TTN: variants seen among roughly 807,000 people sequenced by gnomAD.
The protein encoded by TTN is titin, also known as connectin.
TTN carries 1,525 observed loss-of-function variants against 3,223.0 expected under a neutral mutation model. That is an observed-to-expected ratio of 0.47 (90% CI 0.45 to 0.49). The LOEUF (loss-of-function observed/expected upper bound fraction) is 0.49. Ranked by LOEUF, TTN falls within the 20% of genes least tolerant of loss-of-function variation. The pLI is 0.00. For synonymous variants in TTN, 14,094 were observed against 15,161.0 expected (o/e 0.93, Z 5.17); for missense variants, 40,786 against 43,424.0 (o/e 0.94, Z 5.40).
chr2:178,582,084 C>T lies in TTN; in HGVS notation c.66285G>A (p.Arg22095=). 6.2e-7 allele frequency: 1 copy of T among 1,613,058 alleles called. No individual in the cohort carries two copies. The highest frequency in any genetic ancestry group is 1.1e-5 in the South Asian group (1 of 91,040). ...TAGTCCAGTTAACAGCCTGGGTTTC[C>T]CGCTTTTCAAGCAAATAGCCAGTGA... is the stretch of plus-strand genomic sequence containing the variant. The part of the protein sequence containing the change: ...SPITGYLLEK[R]ETQAVNWTKV... Residue 22095 remains arginine, a synonymous_variant, in exon 315 of 363, where the codon CGG becomes CGA. Transcript: ENST00000589042.
chr2:178,542,478 C>T lies in TTN; in HGVS notation c.97278G>A (p.Leu32426=). ...SITISWEPPE[L]DGGAPLSGYV... Reference sequence around the variant, plus strand: ...AACCACTCAGTGGAGCACCACCGTCCAATTCAGGTGGTTCCCAGGAAATGG... The same window carrying T: ...AACCACTCAGTGGAGCACCACCGTCTAATTCAGGTGGTTCCCAGGAAATGG... Residue 32426 remains leucine (L), a synonymous_variant, in exon 349 of 363, where the codon TTG becomes TTA. Coordinates refer to ENST00000589042, the MANE Select transcript of TTN (RefSeq NM_001267550.2). 1.2e-6 allele frequency: 2 copies of T among 1,613,446 alleles called. No homozygotes were observed. Among genetic ancestry groups the T allele is most frequent in the South Asian group, 1.1e-5 (1 of 91,058 alleles).
intron 330 of TTN, chr2:178,555,443 A>T: frequency 3.2e-6 from 1 of 309,772 alleles, no homozygotes; most frequent in Non-Finnish European, 5.8e-6. Flanking sequence ...TAGTGAGAAC[A>T]TCATGGAAGA....
intron 319 of TTN, 47 bp from the exon 320 acceptor site, chr2:178,579,440 A>G (rs780400473): frequency 8.0e-5 from 125 of 1,560,134 alleles, no homozygotes; most frequent in Non-Finnish European, 1.1e-4. Context: ...AGGCCAGGCG[A>G]TTAACTTTTT....
In TTN at chr2:178,582,242, G is replaced by A. The variant is rs1483814882; in HGVS notation, c.66161-34C>T. 2.5e-6 allele frequency: 4 copies of A among 1,578,980 alleles called. No homozygotes were observed. In the East Asian group the frequency reaches 6.8e-5, roughly 27 times the overall value. On this transcript the variant is annotated intron_variant, in intron 314 of 362. Transcript: ENST00000589042. ...ATTGATTGAAAAGTTAATTTCCCAG[G>A]CTAAAAGATAATTTTAAAAAATAAA...
In TTN at chr2:178,785,851, T is replaced by C; in HGVS notation, c.2367A>G (p.Ser789=). 1 of 1,614,122 alleles carries C rather than the reference T, an allele frequency of 6.2e-7. No individual in the cohort carries two copies. Among genetic ancestry groups the C allele is most frequent in the Non-Finnish European group, 8.5e-7 (1 of 1,180,010 alleles). The part of the protein sequence containing the change: ...TTDQKGMHIS[S]QIKKTTDLTT... Reference sequence around the variant, plus strand: ...AAATCAGCAGGTATAGACTCACCTGTGATGATATGTGCATTCCCTTTTGAT... The same window carrying C: ...AAATCAGCAGGTATAGACTCACCTGCGATGATATGTGCATTCCCTTTTGAT... The change falls in exon 14 of 363, where the codon TCA becomes TCG. Residue 789 remains serine (S), a synonymous_variant. Transcript: ENST00000589042.
chr2:178,649,712 A>T lies in TTN; in HGVS notation c.39896-81T>A, dbSNP rs958265326. The T allele has an allele frequency of 1.2e-5, 19 of 1,538,776 alleles. No individual in the cohort carries two copies. In the African/African-American group the frequency reaches 2.6e-4, roughly 21 times the overall value. The stretch of plus-strand genomic sequence containing the variant: ...ATACAAGTTTATTCAACACTGTAAC[A>T]TATAGGTAAGAGTTAACAAACATAT... On this transcript the variant is annotated intron_variant, in intron 211 of 362. Coordinates refer to ENST00000589042, the MANE Select transcript of TTN (RefSeq NM_001267550.2).
rs530484268 is a variant in TTN, at chr2:178,618,870, CAT to C, written c.46697-19_46697-18del. 4.8e-5 allele frequency: 77 copies of C among 1,603,676 alleles called. 1 individual carries two copies. Among genetic ancestry groups the C allele is most frequent in the Non-Finnish European group, 5.7e-5 (67 of 1,177,204 alleles). On this transcript the variant is annotated intron_variant, in intron 250 of 362. Coordinates refer to ENST00000589042, the MANE Select transcript of TTN (RefSeq NM_001267550.2). ...TTGGTGCAGCTAGTGAGAAAGATAA[CAT>C]GTGAACGCTTTCGACTATTAAACGT...
Position 178,674,399 on chromosome 2 carries a change from C to A in TTN, c.34623G>T (p.Glu11541Asp). 1 of 1,562,218 alleles carries A rather than the reference C, an allele frequency of 6.4e-7. No homozygotes were observed. The highest frequency in any genetic ancestry group is 1.2e-5 in the South Asian group (1 of 83,828). ...EEVLPVEVTE[E>D]PEEEPISEEE... ...CTTCTGAAATAGGCTCTTCTTCAGG[C>A]TCCTCAGTCACTTTAAAAAGATTAT... is the stretch of plus-strand genomic sequence containing the variant. Residue 11541 changes from glutamate to aspartate, a missense_variant, in exon 151 of 363, where the codon GAG becomes GAT. By Grantham distance (45) the Glu-to-Asp change is conservative. Transcript: ENST00000589042.
chr2:178,688,227 T>A lies in TTN; in HGVS notation c.32198-3A>T. The stretch of plus-strand genomic sequence containing the variant: ...ACTCCATTCCTCCTCTGCAGATACT[T>A]TAAAAGATAAGGTTTCATTTAAATT... On this transcript the variant is annotated splice_polypyrimidine_tract_variant and splice_region_variant and intron_variant, in intron 126 of 362. Coordinates refer to ENST00000589042, the MANE Select transcript of TTN (RefSeq NM_001267550.2). The A allele has an allele frequency of 6.2e-7, 1 of 1,611,076 alleles. No homozygotes were observed. Among genetic ancestry groups the A allele is most frequent in the Non-Finnish European group, 8.5e-7 (1 of 1,178,720 alleles).
At position 178,559,346 on chromosome 2, in the gene TTN, A is replaced by T. The variant is rs778373815; in HGVS notation, c.86786T>A (p.Ile28929Lys). The T allele has an allele frequency of 6.2e-7, 1 of 1,610,640 alleles. No individual in the cohort carries two copies. Among genetic ancestry groups the T allele is most frequent in the Non-Finnish European group, 8.5e-7 (1 of 1,177,940 alleles). The change falls in exon 326 of 363, where the codon ATA (isoleucine) becomes AAA (lysine). Residue 28929 changes from isoleucine (I) to lysine (K), a missense_variant. By Grantham distance (102) the Ile-to-Lys change is moderately radical. Coordinates refer to ENST00000589042, the MANE Select transcript of TTN (RefSeq NM_001267550.2). ...TACTCCTTCCTTTGTTTCAGCTGGTATACCAACACCAAACTCATTTTCTCC... is the reference window on the plus strand; with the variant it reads ...TACTCCTTCCTTTGTTTCAGCTGGTTTACCAACACCAAACTCATTTTCTCC... ...VSGENEFGVG[I>K]PAETKEGVKI...
In TTN at chr2:178,584,565, T is replaced by C; in HGVS notation, c.64986A>G (p.Glu21662=). 1 of 1,612,014 alleles carries C rather than the reference T, an allele frequency of 6.2e-7. No homozygotes were observed. Among genetic ancestry groups the C allele is most frequent in the Non-Finnish European group, 8.5e-7 (1 of 1,178,692 alleles). ...CTTTGGTGACTCGTGCATTCTTTGGTTCACTAGGAACACCTGGAGATGAAG... is the reference window on the plus strand; with the variant it reads ...CTTTGGTGACTCGTGCATTCTTTGGCTCACTAGGAACACCTGGAGATGAAG... The part of the protein sequence containing the change: ...VAQFPFGVPS[E]PKNARVTKVN... The change falls in exon 311 of 363, where the codon GAA becomes GAG. Residue 21662 remains glutamate (E), a synonymous_variant. Transcript: ENST00000589042.
Position 178,732,649 on chromosome 2 carries a change from C to T in TTN, c.16412G>A (p.Ser5471Asn), listed in dbSNP as rs749906091. The T allele has an allele frequency of 1.9e-6, 3 of 1,612,420 alleles. No individual in the cohort carries two copies. The highest frequency in any genetic ancestry group is 2.2e-5 in the East Asian group (1 of 44,744). ...GAGAGGAGTAGATCCTTGGAAAGTGCTCTTCAGGCAGACTGCTGAGCCAGG... is the reference window on the plus strand; with the variant it reads ...GAGAGGAGTAGATCCTTGGAAAGTGTTCTTCAGGCAGACTGCTGAGCCAGG... ...VLPGSAVCLK[S>N]TFQGSTPLTI... The change falls in exon 56 of 363, where the codon AGC becomes AAC. Residue 5471 changes from serine (S) to asparagine (N), a missense_variant. Coordinates refer to ENST00000589042, the MANE Select transcript of TTN (RefSeq NM_001267550.2).
chr2:178,682,492 A>C, intron 135 of TTN, among the ~76,000 whole-genome samples: 1 of 152,066 alleles, frequency 6.6e-6, no homozygotes, highest in East Asian at 1.9e-4. Context: ...AAAGTCTAAC[A>C]ATAACCTTAA....
intron 140 of TTN, 100 bp downstream of exon 140, chr2:178,679,794 C>T: frequency 6.5e-7 from 1 of 1,547,084 alleles, no homozygotes. Flanking sequence ...TTAAAGTAAG[C>T]AATCATTGGT....
chr2:178,741,830 C>T lies in TTN; in HGVS notation c.11403G>A (p.Leu3801=). Residue 3801 remains leucine (L), a synonymous_variant, in exon 48 of 363, where the codon TTG becomes TTA. Coordinates refer to ENST00000589042, the MANE Select transcript of TTN (RefSeq NM_001267550.2). ...TAGTTGGGTAAACTGGAGATTCAGA[C>T]AAAAGTTCAAGTGTTTCATTTATTT... The part of the protein sequence containing the change: ...LSKINETLEL[L]SESPVYPTKF... 6.2e-7 allele frequency: 1 copy of T among 1,611,110 alleles called. No homozygotes were observed. Among genetic ancestry groups the T allele is most frequent in the Non-Finnish European group, 8.5e-7 (1 of 1,178,548 alleles).
In TTN at chr2:178,531,932, A is replaced by G. The variant is rs1256022271; in HGVS notation, c.104683T>C (p.Ser34895Pro). ...RSPSPVSSER[S>P]LSRFERSARF... ...GCAGACCTCTCAAATCTCGAGAGTG[A>G]TCTCTCACTAGACACAGGGCTGGGG... Residue 34895 changes from serine to proline, a missense_variant, in exon 358 of 363, where the codon TCA becomes CCA. Ser to Pro is a moderately conservative substitution (Grantham distance 74). Coordinates refer to ENST00000589042, the MANE Select transcript of TTN (RefSeq NM_001267550.2). 1.2e-6 allele frequency: 2 copies of G among 1,613,236 alleles called. No individual in the cohort carries two copies. The highest frequency in any genetic ancestry group is 2.2e-5 in the East Asian group (1 of 44,830).
rs2047776872 is a variant in TTN at position 178,581,676 on chromosome 2, C to T, written c.66592G>A (p.Ala22198Thr). 2 of 1,612,464 alleles carry T rather than the reference C, an allele frequency of 1.2e-6. No homozygotes were observed. Among genetic ancestry groups the T allele is most frequent in the Non-Finnish European group, 1.7e-6 (2 of 1,179,222 alleles). The change falls in exon 316 of 363, where the codon GCT (alanine) becomes ACT (threonine). Residue 22198 changes from alanine to threonine, a missense_variant. Coordinates refer to ENST00000589042, the MANE Select transcript of TTN (RefSeq NM_001267550.2). ...CACCTCACCCAGTTATCGGAGTCAG[C>T]CCGTTTTACTTCAACGAGATAACCA... ...IIGYLVEVKR[A>T]DSDNWVRCNL...
chr2:178,783,852 TC>T, intron 16 of TTN, 67 bp from the exon 17 acceptor site: 3 of 1,256,722 alleles, frequency 2.4e-6, no homozygotes, highest in South Asian at 2.8e-5. Flanking sequence ...AACTCTTAGC[TC>T]ATGCAACATT....
chr2:178,728,030 C>G, intron 67 of TTN, 80 bp downstream of exon 67: 2 of 1,450,510 alleles, frequency 1.4e-6, no homozygotes, highest in Non-Finnish European at 1.8e-6. Flanking sequence ...GATTTTAGCT[C>G]TAAAGGATAC....
Sources: gnomAD v4.1 joint callset for allele counts (sites outside exome capture counted in the v4.1 genomes callset) on GRCh38, gnomAD v4.1.1 for gene constraint, MANE v1.5 for transcripts, NCBI Gene and HGNC (gene_info 2026-07-23, HGNC 2026-07-21) for gene names.